The following ADAMTS16 variants were observed in gnomAD, a reference collection of about 807,000 sequenced individuals.
ADAMTS16 encodes A disintegrin and metalloproteinase with thrombospondin motifs 16.
A neutral mutation model predicts 145.8 loss-of-function variants in ADAMTS16; 94 were observed. The ratio of observed to expected loss-of-function variants is 0.64; its 90% CI spans 0.55 to 0.77. ADAMTS16 has a LOEUF of 0.77. Among genes scored for constraint, ADAMTS16 ranks in the 30% least tolerant of loss-of-function variants. ADAMTS16 has a pLI of 0.00. For missense variants in ADAMTS16, 1,585 were observed against 1,591.5 expected (o/e 1.00, Z 0.07); for synonymous variants, 659 against 604.3 (o/e 1.09, Z -1.33).
At chr5:5,211,923 T>C (rs564588608) in intron 10 of ADAMTS16, among the ~76,000 whole-genome samples, 1 of 152,312 alleles carries the variant, frequency 6.6e-6, no homozygotes, top group Non-Finnish European at 1.5e-5. Context: ...ACATGTACTT[T>C]TGAAATGTAT....
intron 10 of ADAMTS16, among the ~76,000 whole-genome samples, chr5:5,216,745 A>C (rs1385462002): frequency 7.9e-6 from 1 of 127,024 alleles, no homozygotes; most frequent in African/African-American, 2.9e-5. Context: ...TCCCGATGCT[A>C]TCCCTCCCCC....
chr5:5,237,061 G>A lies in ADAMTS16; in HGVS notation c.2116G>A (p.Glu706Lys). ...AGTCAAAGATGGGACTCCATGCTCGGAGGATAGCCGTAATGTTTGTATAGA... is the reference window on the plus strand; with the variant it reads ...AGTCAAAGATGGGACTCCATGCTCGAAGGATAGCCGTAATGTTTGTATAGA... ...NKVKDGTPCS[E>K]DSRNVCIDGI... The change falls in exon 14 of 23, where the codon GAG becomes AAG. Residue 706 changes from glutamate (E) to lysine (K), a missense_variant. Transcript: ENST00000274181. 1.2e-6 allele frequency: 2 copies of A among 1,614,108 alleles called. No individual in the cohort carries two copies. The highest frequency in any genetic ancestry group is 8.5e-7 in the Non-Finnish European group (1 of 1,179,996).
intron 21 of ADAMTS16, among the ~76,000 whole-genome samples, chr5:5,308,705 T>C (rs1740288696): frequency 1.3e-5 from 2 of 152,134 alleles, no homozygotes; most frequent in South Asian, 4.1e-4. Context: ...TCCCAGCACT[T>C]TGGGAGGCCG....
chr5:5,227,532 TG>T (rs1392662205), intron 11 of ADAMTS16, among the ~76,000 whole-genome samples: 2 of 151,416 alleles, frequency 1.3e-5, no homozygotes, highest in Non-Finnish European at 2.9e-5. Context: ...TGTGTGTGTG[TG>T]TGTGTGTGTG....
At chr5:5,268,019 G>A (rs1342195669) in intron 18 of ADAMTS16, among the ~76,000 whole-genome samples, 6 of 152,264 alleles carry the variant, frequency 3.9e-5, no homozygotes, top group South Asian at 2.1e-4. Flanking sequence ...TCAGGCTTGC[G>A]GTGTGGCCTT....
At chr5:5,192,828 A>G (rs1212429292) in intron 8 of ADAMTS16, among the ~76,000 whole-genome samples, 1 of 152,198 alleles carries the variant, frequency 6.6e-6, no homozygotes, top group Non-Finnish European at 1.5e-5. Context: ...ACCTTGAAGT[A>G]TCGTCTGTTA....
chr5:5,318,739 T>C (rs1352222029), intron 22 of ADAMTS16, among the ~76,000 whole-genome samples: 1 of 152,130 alleles, frequency 6.6e-6, no homozygotes, highest in East Asian at 1.9e-4. Flanking sequence ...AACCAGAGAA[T>C]TGGAGAATTG....
chr5:5,303,658 C>T lies in ADAMTS16; in HGVS notation c.3078C>T (p.Pro1026=), dbSNP rs751814492. The change falls in exon 20 of 23, where the codon CCC becomes CCT. Residue 1026 remains proline (P), a synonymous_variant. Coordinates refer to ENST00000274181, the MANE Select transcript of ADAMTS16 (RefSeq NM_139056.4). ...TNPSARAQLL[P]DAVCTSEPKP... Reference sequence around the variant, plus strand: ...CCTCGGCCAGAGCGCAGCTGCTGCCCGACGCTGTCTGCACCTCCGAGCCCA... The same window carrying T: ...CCTCGGCCAGAGCGCAGCTGCTGCCTGACGCTGTCTGCACCTCCGAGCCCA... 9.3e-6 allele frequency: 15 copies of T among 1,613,880 alleles called. No homozygotes were observed. Among genetic ancestry groups the T allele is most frequent in the South Asian group, 6.6e-5 (6 of 91,088 alleles).
chr5:5,247,387 A>G (rs2126401969), intron 17 of ADAMTS16, among the ~76,000 whole-genome samples: 1 of 152,282 alleles, frequency 6.6e-6, no homozygotes. Context: ...TTTCTTCCCA[A>G]AAAAGCAGAG....
intron 10 of ADAMTS16, among the ~76,000 whole-genome samples, chr5:5,211,650 C>T (rs1327777928): frequency 6.6e-6 from 1 of 151,936 alleles, no homozygotes; most frequent in Non-Finnish European, 1.5e-5. Flanking sequence ...GACTTTAAAC[C>T]TTTCTTATTT....
At position 5,206,425 on chromosome 5, in the gene ADAMTS16, C is replaced by CAAAAAAA. The variant is rs1173829992; in HGVS notation, c.1452-2652_1452-2646dup. On this transcript the variant is annotated intron_variant, in intron 9 of 22. Coordinates refer to ENST00000274181, the MANE Select transcript of ADAMTS16 (RefSeq NM_139056.4). ...TGGGCGACAGAGCGAGACTCCGTCT[C>CAAAAAAA]AAAAAAAAAAAAAAAAAAAAAAGAT... is the stretch of plus-strand genomic sequence containing the variant. Among the ~76,000 whole-genome samples the CAAAAAAA allele has an allele frequency of 3.2e-3, 125 of 39,432 alleles. 9 individuals carry two copies. The highest frequency in any genetic ancestry group is 0.01 in the African/African-American group (87 of 8,522). 25.9% of individuals were successfully genotyped at this position (39,432 alleles called of 152,430 possible). A position where few individuals can be genotyped will look rare whatever the true frequency, so the allele number is the denominator to read the frequency against.
intron 10 of ADAMTS16, among the ~76,000 whole-genome samples, chr5:5,210,420 G>A (rs1736243915): frequency 6.6e-6 from 1 of 152,142 alleles, no homozygotes; most frequent in Non-Finnish European, 1.5e-5. Flanking sequence ...TTTACATGGA[G>A]AGAAACACAT....
chr5:5,177,055 C>T (rs1020003042), intron 3 of ADAMTS16, among the ~76,000 whole-genome samples: 3 of 152,334 alleles, frequency 2.0e-5, no homozygotes, highest in Middle Eastern at 6.8e-3. Flanking sequence ...CCAGCCCTGC[C>T]TCACCCTTGC....
chr5:5,153,664 A>C (rs1734528776), intron 3 of ADAMTS16, among the ~76,000 whole-genome samples: 1 of 152,188 alleles, frequency 6.6e-6, no homozygotes, highest in Admixed American at 6.5e-5. Context: ...AGGGTTGTTT[A>C]AAAATGTTTT....
intron 7 of ADAMTS16, among the ~76,000 whole-genome samples, chr5:5,191,180 GC>G (rs1735653876): frequency 6.6e-6 from 1 of 152,144 alleles, no homozygotes; most frequent in African/African-American, 2.4e-5. Flanking sequence ...TGCTGATTTT[GC>G]CCTGTGTCCT....
intron 16 of ADAMTS16, among the ~76,000 whole-genome samples, chr5:5,240,266 G>A (rs929716357): frequency 6.6e-6 from 1 of 151,974 alleles, no homozygotes; most frequent in Non-Finnish European, 1.5e-5. Flanking sequence ...TCTGGGGTGG[G>A]ATCAGCATTT....
At chr5:5,187,350 C>T (rs1038682851) in intron 5 of ADAMTS16, among the ~76,000 whole-genome samples, 2 of 152,058 alleles carry the variant, frequency 1.3e-5, no homozygotes, top group Admixed American at 6.5e-5. Context: ...TTCTTGTATC[C>T]TCTTGGAATC....
At chr5:5,302,341 T>C (rs531279120) in intron 18 of ADAMTS16, among the ~76,000 whole-genome samples, 1 of 152,286 alleles carries the variant, frequency 6.6e-6, no homozygotes, top group Admixed American at 6.5e-5. Flanking sequence ...GCTAACAAAT[T>C]GAAAGAAAGA....
chr5:5,276,148 A>C (rs2964391), intron 18 of ADAMTS16, among the ~76,000 whole-genome samples: 137,403 of 151,968 alleles, frequency 0.9, 63,016 homozygotes, highest in East Asian at 1. Flanking sequence ...TGTGAGCCAC[A>C]GTGCCCGGCC....
Sources: allele counts gnomAD v4.1 joint callset (sites outside exome capture counted in the v4.1 genomes callset), GRCh38; gene constraint gnomAD v4.1.1; transcripts MANE v1.5; gene names NCBI Gene and HGNC (gene_info 2026-07-23, HGNC 2026-07-21).